The following MUC17 variants were observed in gnomAD, a reference collection of about 807,000 sequenced individuals.
The protein encoded by MUC17 is mucin 17, cell surface associated, also known as mucin-17.
MUC17 carries 190 observed loss-of-function variants against 170.3 expected under a neutral mutation model. The ratio of observed to expected loss-of-function variants is 1.12; its 90% CI spans 0.99 to 1.26. MUC17 has a LOEUF of 1.26. Ranked by LOEUF, MUC17 falls within the 50% of genes most tolerant of loss-of-function variation. MUC17 has a pLI of 0.00. For synonymous variants in MUC17, 2,325 were observed against 2,002.5 expected, an observed-to-expected ratio of 1.16 and a Z score of -4.30; for missense variants, 6,415 against 5,530.0, an observed-to-expected ratio of 1.16 and a Z score of -5.08.
intron 11 of MUC17, 105 bp from the exon 12 acceptor site, chr7:101,056,089 G>A: frequency 6.6e-7 from 1 of 1,515,630 alleles, no homozygotes; most frequent in Non-Finnish European, 9.0e-7. Context: ...TTTCCTAGGG[G>A]TAGAGAAAAA....
Position 101,035,567 on chromosome 7 carries a change from C to G in MUC17, c.4151C>G (p.Thr1384Ser). 4 of 1,602,408 alleles carry G rather than the reference C, an allele frequency of 2.5e-6. No homozygotes were observed. The highest frequency in any genetic ancestry group is 3.4e-6 in the Non-Finnish European group (4 of 1,173,434). The change falls in exon 3 of 13, where the codon ACC (threonine) becomes AGC (serine). Residue 1384 changes from threonine (T) to serine (S), a missense_variant. Physicochemically the swap from Thr to Ser is moderately conservative, Grantham distance 58. Transcript: ENST00000306151. ...TCATCTCCTACAACTTCTGAAGGTA[C>G]CAGCATGCCAAACTCAAATCCTAGT... Reference protein sequence around the residue: ...ACSSPTTSEGTSMPNSNPSEG... With the variant: ...ACSSPTTSEGSSMPNSNPSEG...
rs556524485 is a variant in MUC17 at position 101,053,500 on chromosome 7, G to A, written c.13363+64G>A. 7.0e-6 allele frequency: 9 copies of A among 1,289,836 alleles called. No individual in the cohort carries two copies. The African/African-American group carries it at 1.3e-4, about 19-fold the overall frequency. 79.9% of individuals were successfully genotyped at this position (1,289,836 alleles called of 1,614,324 possible). A position where few individuals can be genotyped will look rare whatever the true frequency, so the allele number is the denominator to read the frequency against. On this transcript the variant is annotated intron_variant, in intron 11 of 12. Transcript: ENST00000306151. ...TGTGGAAACAGGCTGGGTGCGGTGG[G>A]CTCACATCTGTAATCCCAGCACTTT...
At chr7:101,050,370 C>A in intron 6 of MUC17, 114 bp from the exon 7 acceptor site, 1 of 1,471,030 alleles carries the variant, frequency 6.8e-7, no homozygotes, top group Non-Finnish European at 9.2e-7. Flanking sequence ...CCCCAACTGT[C>A]CTGCCCCCAG....
In MUC17 at chr7:101,042,602, C is replaced by G. The variant is rs748002278; in HGVS notation, c.11186C>G (p.Thr3729Ser). Residue 3729 changes from threonine (T) to serine (S), a missense_variant, in exon 3 of 13, where the codon ACT becomes AGT. Thr to Ser is a moderately conservative substitution (Grantham distance 58). Coordinates refer to ENST00000306151, the MANE Select transcript of MUC17 (RefSeq NM_001040105.2). ...ACCAGCACACCTGTGACCACTTCTACTGAAGCCATTTCATCTTCTGCAACT... is the reference window on the plus strand; with the variant it reads ...ACCAGCACACCTGTGACCACTTCTAGTGAAGCCATTTCATCTTCTGCAACT... ...VVTSTPVTTS[T>S]EAISSSATLD... 6.8e-6 allele frequency: 11 copies of G among 1,614,042 alleles called. No homozygotes were observed. The highest frequency in any genetic ancestry group is 1.7e-5 in the Admixed American group (1 of 60,010).
rs1794619006 is a variant in MUC17, at chr7:101,039,628, G to A, written c.8212G>A (p.Gly2738Ser). The change falls in exon 3 of 13, where the codon GGT (glycine) becomes AGT (serine). Residue 2738 changes from glycine (G) to serine (S), a missense_variant. Physicochemically the swap from Gly to Ser is moderately conservative, Grantham distance 56. Coordinates refer to ENST00000306151, the MANE Select transcript of MUC17 (RefSeq NM_001040105.2). ...CAGTTCTTCTCCTACAACTGCTGAA[G>A]GTACCAGCATGCGAATCTCAACTCC... ...EASSSPTTAEGTSMRISTPSD... is the reference protein window; with the variant it reads ...EASSSPTTAESTSMRISTPSD... The A allele has an allele frequency of 2.5e-6, 4 of 1,611,952 alleles. No individual in the cohort carries two copies. In the South Asian group the frequency reaches 3.3e-5, roughly 13 times the overall value.
Position 101,035,799 on chromosome 7 carries a change from T to C in MUC17, c.4383T>C (p.Pro1461=), listed in dbSNP as rs1350826652. 5.6e-6 allele frequency: 9 copies of C among 1,606,602 alleles called. No homozygotes were observed. The highest frequency in any genetic ancestry group is 5.0e-5 in the Admixed American group (3 of 59,454). The change falls in exon 3 of 13, where the codon CCT becomes CCC. Residue 1461 remains proline, a synonymous_variant. Transcript: ENST00000306151. The stretch of plus-strand genomic sequence containing the variant: ...GAAAGACTCCATTAAAAAGTATACC[T>C]GTCAGCAACACGCCGGTGGCCAATT... ...SEGKTPLKSI[P]VSNTPVANSE...
chr7:101,047,880 TA>T, intron 3 of MUC17, 103 bp from the exon 4 acceptor site: 1 of 1,335,024 alleles, frequency 7.5e-7, no homozygotes, highest in African/African-American at 1.5e-5. Context: ...TTGTAAGCTG[TA>T]AAGTGCTGTG....
Position 101,035,538 on chromosome 7 carries a change from C to T in MUC17, c.4122C>T (p.Ala1374=), listed in dbSNP as rs545732275. ...NSTPVTTSTE[A]CSSPTTSEGT... ...CACCTGTGACCACTTCTACTGAAGC[C>T]TGTTCATCTCCTACAACTTCTGAAG... Residue 1374 remains alanine (A), a synonymous_variant, in exon 3 of 13, where the codon GCC becomes GCT. Transcript: ENST00000306151. 14 of 1,596,568 alleles carry T rather than the reference C, an allele frequency of 8.8e-6. No individual in the cohort carries two copies. The highest frequency in any genetic ancestry group is 1.1e-5 in the South Asian group (1 of 89,830).
chr7:101,025,708 C>T (rs937269547), intron 1 of MUC17, among the ~76,000 whole-genome samples: 3 of 151,642 alleles, frequency 2.0e-5, no homozygotes, highest in African/African-American at 4.8e-5. Flanking sequence ...GCAGGTAAAT[C>T]TCTTGAACCT....
chr7:101,027,242 T>C (rs1794196882), intron 1 of MUC17, among the ~76,000 whole-genome samples: 1 of 152,016 alleles, frequency 6.6e-6, no homozygotes, highest in Non-Finnish European at 1.5e-5. Flanking sequence ...GGATGAAAGG[T>C]AGTAAGTGAG....
At position 101,038,955 on chromosome 7, in the gene MUC17, A is replaced by G; in HGVS notation, c.7539A>G (p.Gly2513=). 1 of 1,614,060 alleles carries G rather than the reference A, an allele frequency of 6.2e-7. No individual in the cohort carries two copies. Among genetic ancestry groups the G allele is most frequent in the Non-Finnish European group, 8.5e-7 (1 of 1,180,008 alleles). The part of the protein sequence containing the change: ...IVVPISTASE[G]STLLTSIPVS... Reference sequence around the variant, plus strand: ...TGCCAATCTCAACTGCTAGTGAAGGAAGTACTCTATTAACAAGTATACCTG... The same window carrying G: ...TGCCAATCTCAACTGCTAGTGAAGGGAGTACTCTATTAACAAGTATACCTG... The change falls in exon 3 of 13, where the codon GGA becomes GGG. Residue 2513 remains glycine, a synonymous_variant. Coordinates refer to ENST00000306151, the MANE Select transcript of MUC17 (RefSeq NM_001040105.2).
At chr7:101,056,895 G>A (rs779836947) in intron 12 of MUC17, among the ~76,000 whole-genome samples, 6 of 151,608 alleles carry the variant, frequency 4.0e-5, no homozygotes, top group East Asian at 1.9e-4. Flanking sequence ...ACTGACTTCC[G>A]TTATGTCTCT....
Position 101,039,517 on chromosome 7 carries a change from A to G in MUC17, c.8101A>G (p.Thr2701Ala). Residue 2701 changes from threonine (T) to alanine (A), a missense_variant, in exon 3 of 13, where the codon ACC becomes GCC. Physicochemically the swap from Thr to Ala is moderately conservative, Grantham distance 58. Coordinates refer to ENST00000306151, the MANE Select transcript of MUC17 (RefSeq NM_001040105.2). The part of the protein sequence containing the change: ...STPLTNILVS[T>A]TLLANSEAST... ...TCCATTAACAAATATACTTGTCAGCACCACGCTGTTGGCCAATTCTGAGGC... is the reference window on the plus strand; with the variant it reads ...TCCATTAACAAATATACTTGTCAGCGCCACGCTGTTGGCCAATTCTGAGGC... 1 of 1,611,200 alleles carries G rather than the reference A, an allele frequency of 6.2e-7. No individual in the cohort carries two copies. The highest frequency in any genetic ancestry group is 2.2e-5 in the East Asian group (1 of 44,758).
chr7:101,056,304 C>G, intron 12 of MUC17, 34 bp downstream of exon 12: 1 of 1,610,866 alleles, frequency 6.2e-7, no homozygotes, highest in Non-Finnish European at 8.5e-7. Flanking sequence ...CTGGCCTCCC[C>G]CAACCCTGCG....
At position 101,039,651 on chromosome 7, in the gene MUC17, T is replaced by A. The variant is rs1794619985; in HGVS notation, c.8235T>A (p.Thr2745=). ...TAEGTSMRIS[T]PSDGSTPLTS... ...AAGGTACCAGCATGCGAATCTCAAC[T>A]CCTAGTGATGGAAGTACTCCATTAA... Residue 2745 remains threonine (T), a synonymous_variant, in exon 3 of 13, where the codon ACT becomes ACA. Transcript: ENST00000306151. 1 of 1,611,694 alleles carries A rather than the reference T, an allele frequency of 6.2e-7. No homozygotes were observed. The highest frequency in any genetic ancestry group is 1.1e-5 in the South Asian group (1 of 90,992).
chr7:101,036,811 C>T lies in MUC17; in HGVS notation c.5395C>T (p.Pro1799Ser). 1 of 1,605,400 alleles carries T rather than the reference C, an allele frequency of 6.2e-7. No homozygotes were observed. ...TACAACTGCTGAAGGTACCAGCATACCAACCTCGACTCTTAGTGAAGGAAT... is the reference window on the plus strand; with the variant it reads ...TACAACTGCTGAAGGTACCAGCATATCAACCTCGACTCTTAGTGAAGGAAT... ...SPTTAEGTSI[P>S]TSTLSEGMTP... Residue 1799 changes from proline (P) to serine (S), a missense_variant, in exon 3 of 13, where the codon CCA (proline) becomes TCA (serine). Physicochemically the swap from Pro to Ser is moderately conservative, Grantham distance 74. Coordinates refer to ENST00000306151, the MANE Select transcript of MUC17 (RefSeq NM_001040105.2).
chr7:101,053,384 C>T lies in MUC17; in HGVS notation c.13311C>T (p.Asp4437=). Residue 4437 remains aspartate, a synonymous_variant, in exon 11 of 13, where the codon GAC becomes GAT. Coordinates refer to ENST00000306151, the MANE Select transcript of MUC17 (RefSeq NM_001040105.2). Reference sequence around the variant, plus strand: ...AGTTATACAAGTGGCAAGAAGAGGACAGTGGACCAGCTCCTGGGACCTTCC... The same window carrying T: ...AGTTATACAAGTGGCAAGAAGAGGATAGTGGACCAGCTCCTGGGACCTTCC... The part of the protein sequence containing the change: ...LSQLYKWQEE[D]SGPAPGTFQN... The T allele has an allele frequency of 6.2e-7, 1 of 1,614,096 alleles. No individual in the cohort carries two copies. The highest frequency in any genetic ancestry group is 1.6e-4 in the Middle Eastern group (1 of 6,062).
In MUC17 at chr7:101,041,898, A is replaced by T. The variant is rs752167736; in HGVS notation, c.10482A>T (p.Pro3494=). Residue 3494 remains proline (P), a synonymous_variant, in exon 3 of 13, where the codon CCA becomes CCT. Transcript: ENST00000306151. The stretch of plus-strand genomic sequence containing the variant: ...GCACACCTGTGACCACTTCTTCTCC[A>T]ACCAATTCATCTCCTACAACTGCTG... The part of the protein sequence containing the change: ...DTSTPVTTSS[P]TNSSPTTAEV... 1.1e-5 allele frequency: 18 copies of T among 1,613,450 alleles called. No homozygotes were observed. In the South Asian group the frequency reaches 2.0e-4, roughly 18 times the overall value.
chr7:101,052,234 G>C (rs572390699), intron 9 of MUC17, among the ~76,000 whole-genome samples: 3 of 152,274 alleles, frequency 2.0e-5, no homozygotes, highest in African/African-American at 7.2e-5. Context: ...AAGGTTGTCC[G>C]ACTGAGGGAA....
Sources: gnomAD v4.1 joint callset for allele counts (sites outside exome capture counted in the v4.1 genomes callset) on GRCh38, gnomAD v4.1.1 for gene constraint, MANE v1.5 for transcripts, NCBI Gene and HGNC (gene_info 2026-07-23, HGNC 2026-07-21) for gene names.